Variants in RBM44 observed in about 807,000 individuals in gnomAD.
RBM44 encodes the protein RNA binding motif protein 44.
Under a neutral mutation model 105.1 loss-of-function variants are expected in RBM44, and 66 were observed. The ratio of observed to expected loss-of-function variants is 0.63; its 90% CI spans 0.52 to 0.77. RBM44 has a LOEUF of 0.77. Among genes scored for constraint, RBM44 ranks in the 30% least tolerant of loss-of-function variants. The pLI is 0.00. For synonymous variants in RBM44, 365 were observed against 417.6 expected, an observed-to-expected ratio of 0.87 and a Z score of 1.54; for missense variants, 1,122 against 1,207.8, an observed-to-expected ratio of 0.93 and a Z score of 1.05.
At chr2:237,806,872 G>A (rs922000412) in intron 1 of RBM44, among the ~76,000 whole-genome samples, 1 of 152,050 alleles carries the variant, frequency 6.6e-6, no homozygotes, top group Non-Finnish European at 1.5e-5. Context: ...AATGGGTGGG[G>A]TGGGGGGTGC....
chr2:237,821,866 G>A (rs2061794733), intron 8 of RBM44, 39 bp downstream of exon 8: 2 of 1,335,310 alleles, frequency 1.5e-6, no homozygotes, highest in Admixed American at 1.8e-5. Context: ...AAATCTTTAA[G>A]TGTATGGTTT....
At chr2:237,838,009 A>G (rs1435205117) in intron 15 of RBM44, among the ~76,000 whole-genome samples, 2 of 144,092 alleles carry the variant, frequency 1.4e-5, no homozygotes, top group African/African-American at 4.9e-5. Context: ...GCTATCATAC[A>G]GAATCTCAAG....
chr2:237,841,894 A>C lies in RBM44; in HGVS notation c.*78A>C, dbSNP rs1314527488. 1.3e-5 allele frequency: 2 copies of C among 152,166 alleles called. No individual in the cohort carries two copies. Among genetic ancestry groups the C allele is most frequent in the African/African-American group, 4.8e-5 (2 of 41,464 alleles). The allele number at this position is 152,166 out of a possible 1,614,324, so 9.4% of individuals were successfully genotyped here. On this transcript the variant is annotated 3_prime_UTR_variant, in exon 16 of 16. Coordinates refer to ENST00000316997, the MANE Select transcript of RBM44 (RefSeq NM_001080504.3). The surrounding 1 kb of genome is among the most constrained non-coding windows in gnomAD (Gnocchi z 4.5). ...AGAGAATGTTCTACAGCACTTAGGA[A>C]AAAGTAGTAATAACAAGATGATGTA...
At chr2:237,806,200 C>T (rs2061598177) in intron 1 of RBM44, among the ~76,000 whole-genome samples, 1 of 152,034 alleles carries the variant, frequency 6.6e-6, no homozygotes, top group Non-Finnish European at 1.5e-5. Flanking sequence ...GCTGTAGATA[C>T]CATAATAATG....
intron 15 of RBM44, among the ~76,000 whole-genome samples, chr2:237,836,590 G>A (rs572715204): frequency 3.9e-5 from 6 of 151,972 alleles, no homozygotes; most frequent in Non-Finnish European, 8.8e-5. Flanking sequence ...GACCATCCTG[G>A]CCAACATGGT....
Position 237,831,246 on chromosome 2 carries a change from G to GTT in RBM44, c.2886+1744_2886+1745insTT, listed in dbSNP as rs1559921437. Among the ~76,000 whole-genome samples the GTT allele has an allele frequency of 1.7e-4, 20 of 116,614 alleles. No homozygotes were observed. The East Asian group carries it at 2.2e-3, about 13-fold the overall frequency. The allele number at this position is 116,614 out of a possible 152,430, so 76.5% of individuals were successfully genotyped here. On this transcript the variant is annotated intron_variant, in intron 13 of 15. Coordinates refer to ENST00000316997, the MANE Select transcript of RBM44 (RefSeq NM_001080504.3). ...CATCCTTATTTGTCCTTTTTTTTGG[G>GTT]GGGGGGGGGGTTTGTCTTTGTTTTT...
intron 15 of RBM44, chr2:237,834,750 C>T (rs2061940241): frequency 6.3e-6 from 1 of 159,358 alleles, no homozygotes; most frequent in Admixed American, 6.5e-5. Flanking sequence ...AGAGGCTTCC[C>T]TGAGACCAGA....
At chr2:237,811,643 T>TC (rs2061659490) in intron 1 of RBM44, among the ~76,000 whole-genome samples, 1 of 152,100 alleles carries the variant, frequency 6.6e-6, no homozygotes, top group Non-Finnish European at 1.5e-5. Flanking sequence ...TCATTTTTTT[T>TC]CATGGTTGAT....
rs139616233 is a variant in RBM44 at position 237,817,125 on chromosome 2, G to A, written c.206G>A (p.Ser69Asn). ...LEQRANNKEI[S>N]NIDKMDLLEP... ...CAAAGAGCTAATAATAAAGAAATCA[G>A]CAATATTGACAAAATGGATTTATTA... Residue 69 changes from serine to asparagine, a missense_variant, in exon 3 of 16, where the codon AGC (serine) becomes AAC (asparagine). Around this residue, in one of 3 missense-constraint regions of RBM44, gnomAD observed 918 missense variants for 955.3 expected, o/e 0.96. Transcript: ENST00000316997. 1.3e-4 allele frequency: 212 copies of A among 1,609,244 alleles called. No individual in the cohort carries two copies. In the African/African-American group the frequency reaches 2.4e-3, roughly 18 times the overall value.
In RBM44 at chr2:237,816,319, G is replaced by A. The variant is rs577083873; in HGVS notation, c.74-674G>A. Among the ~76,000 whole-genome samples the A allele has an allele frequency of 2.8e-3, 422 of 152,110 alleles. 1 individual carries two copies. Among genetic ancestry groups the A allele is most frequent in the South Asian group, 0.012 (57 of 4,826 alleles). Reference sequence around the variant, plus strand: ...CTATAAGCACTTGGGGACAGCATCCGTGTCTTCTTTTTCTTTGTTTTTACA... The same window carrying A: ...CTATAAGCACTTGGGGACAGCATCCATGTCTTCTTTTTCTTTGTTTTTACA... On this transcript the variant is annotated intron_variant, in intron 2 of 15. Coordinates refer to ENST00000316997, the MANE Select transcript of RBM44 (RefSeq NM_001080504.3).
Position 237,833,124 on chromosome 2 carries a change from A to G in RBM44, c.2887-873A>G, listed in dbSNP as rs866514914. Among the ~76,000 whole-genome samples the G allele has an allele frequency of 2.0e-5, 3 of 152,336 alleles. No homozygotes were observed. In the South Asian group the frequency reaches 6.2e-4, roughly 32 times the overall value. ...TTAAACAAATAGTTATTACATACCA[A>G]CTGTGTACACTATTCTAGGCACTGG... On this transcript the variant is annotated intron_variant, in intron 13 of 15. Coordinates refer to ENST00000316997, the MANE Select transcript of RBM44 (RefSeq NM_001080504.3).
In RBM44 at chr2:237,818,759, A is replaced by G. The variant is rs2061750905; in HGVS notation, c.1678-142A>G. On this transcript the variant is annotated intron_variant, in intron 3 of 15. Transcript: ENST00000316997. The surrounding 1 kb of genome is among the most constrained non-coding windows in gnomAD (Gnocchi z 4.6). ...AATTAAAAAGTAAATTAAAAAAAAA[A>G]GACGTGTAAATTACCACCAGTTCTA... 1.5e-6 allele frequency: 1 copy of G among 652,038 alleles called. No individual in the cohort carries two copies. Among genetic ancestry groups the G allele is most frequent in the Non-Finnish European group, 2.5e-6 (1 of 395,056 alleles). 40.4% of individuals were successfully genotyped at this position (652,038 alleles called of 1,614,324 possible).
rs376696474 is a variant in RBM44 at position 237,840,831 on chromosome 2, A to T, written c.*23-1008A>T. Among the ~76,000 whole-genome samples, 51 of 152,364 alleles carry T rather than the reference A, an allele frequency of 3.3e-4. 1 individual carries two copies. The highest frequency in any genetic ancestry group is 1.2e-3 in the African/African-American group (48 of 41,582). On this transcript the variant is annotated intron_variant, in intron 15 of 15. Transcript: ENST00000316997. Reference sequence around the variant, plus strand: ...AGCATATGAAAAAATGCTCAGTATCACTAATCATTGGAGAAATGCAAGTCA... The same window carrying T: ...AGCATATGAAAAAATGCTCAGTATCTCTAATCATTGGAGAAATGCAAGTCA...
intron 15 of RBM44, chr2:237,834,869 G>C (rs566297497): frequency 6.5e-6 from 1 of 152,942 alleles, no homozygotes; most frequent in South Asian, 2.1e-4. Flanking sequence ...CATCATGGCA[G>C]CTGGCTTCCC....
At chr2:237,823,699 C>G in intron 9 of RBM44, 145 bp downstream of exon 9, 1 of 530,834 alleles carries the variant, frequency 1.9e-6, no homozygotes, top group Non-Finnish European at 3.4e-6. Context: ...CAAGTATGTT[C>G]TTATTATTGC....
intron 13 of RBM44, among the ~76,000 whole-genome samples, chr2:237,833,495 C>T (rs1216328092): frequency 6.6e-6 from 1 of 152,154 alleles, no homozygotes; most frequent in East Asian, 1.9e-4. Context: ...TCTGGGCATA[C>T]AATTTGTATT....
chr2:237,810,514 A>G (rs1014106640), intron 1 of RBM44, among the ~76,000 whole-genome samples: 2 of 152,142 alleles, frequency 1.3e-5, no homozygotes, highest in Admixed American at 6.6e-5. Context: ...ACCTTATCAG[A>G]GAAGTATTCC....
intron 1 of RBM44, among the ~76,000 whole-genome samples, chr2:237,804,934 A>G (rs2061583272): frequency 1.3e-5 from 2 of 152,232 alleles, no homozygotes; most frequent in African/African-American, 4.8e-5. Flanking sequence ...GAGAACTGGA[A>G]CAAGACAAGG....
intron 1 of RBM44, among the ~76,000 whole-genome samples, 170 bp from the exon 2 acceptor site, chr2:237,813,422 C>A (rs2061678692): frequency 6.6e-6 from 1 of 152,122 alleles, no homozygotes. Flanking sequence ...ATATTATGGT[C>A]TTTAAGACTC....
Sources: gnomAD v4.1 joint callset for allele counts (sites outside exome capture counted in the v4.1 genomes callset) on GRCh38, gnomAD v4.1.1 for gene constraint, gnomAD v4.1.1 regional missense constraint, Gnocchi (gnomAD v3.1) non-coding constraint, MANE v1.5 for transcripts, NCBI Gene and HGNC (gene_info 2026-07-23, HGNC 2026-07-21) for gene names.